SH3RF3: variants seen among roughly 807,000 people sequenced by gnomAD.
SH3RF3 encodes SH3 domain containing ring finger 3.
A neutral mutation model predicts 66.3 loss-of-function variants in SH3RF3; 29 were observed. That is an observed-to-expected ratio of 0.44 (90% CI 0.33 to 0.60). The LOEUF (loss-of-function observed/expected upper bound fraction) is 0.60. Ranked by LOEUF, SH3RF3 falls within the 20% of genes least tolerant of loss-of-function variation. SH3RF3 has a pLI of 0.04. For missense variants in SH3RF3, 1,194 were observed against 1,190.9 expected (o/e 1.00, Z -0.04); for synonymous variants, 583 against 532.0 (o/e 1.10, Z -1.32).
chr2:109,138,000 T>TA (rs1676852720), intron 1 of SH3RF3, among the ~76,000 whole-genome samples: 1 of 152,180 alleles, frequency 6.6e-6, no homozygotes, highest in South Asian at 2.1e-4. Flanking sequence ...GGCAGACACA[T>TA]ACATTTATTT....
In SH3RF3 at chr2:109,466,943, GTC is replaced by G. The variant is rs941486324; in HGVS notation, c.2148+17456_2148+17457del. Among the ~76,000 whole-genome samples, 35 of 151,436 alleles carry G rather than the reference GTC, an allele frequency of 2.3e-4. No individual in the cohort carries two copies. The South Asian group carries it at 7.1e-3, about 31-fold the overall frequency. ...TGTGTATGTATGCATGTATGTGTGT[GTC>G]TATATATCTGTGTGCATGTGTGTGT... is the stretch of plus-strand genomic sequence containing the variant. On this transcript the variant is annotated intron_variant, in intron 8 of 9. Transcript: ENST00000309415.
chr2:109,245,468 T>G (rs1383233872), intron 1 of SH3RF3, among the ~76,000 whole-genome samples: 3 of 152,364 alleles, frequency 2.0e-5, no homozygotes, highest in African/African-American at 7.2e-5. Context: ...ACATTAGTGC[T>G]TCCTATGTGA....
At chr2:109,268,303 G>A (rs973810761) in intron 1 of SH3RF3, among the ~76,000 whole-genome samples, 1 of 151,682 alleles carries the variant, frequency 6.6e-6, no homozygotes, top group Admixed American at 6.6e-5. Flanking sequence ...TGGGATTGGG[G>A]GACAGTCTGG....
chr2:109,428,479 A>G (rs527660221), intron 5 of SH3RF3, among the ~76,000 whole-genome samples: 83 of 152,290 alleles, frequency 5.5e-4, no homozygotes, highest in African/African-American at 1.8e-3. Flanking sequence ...CCGCCAGCCT[A>G]TCTTGTCTGT....
At chr2:109,149,268 C>T (rs529967178) in intron 1 of SH3RF3, among the ~76,000 whole-genome samples, 3 of 152,292 alleles carry the variant, frequency 2.0e-5, no homozygotes, top group Middle Eastern at 3.4e-3. Flanking sequence ...TATGGCCCCC[C>T]GGGACCCGTT....
intron 1 of SH3RF3, among the ~76,000 whole-genome samples, chr2:109,201,815 T>C (rs1678682356): frequency 6.6e-6 from 1 of 152,192 alleles, no homozygotes; most frequent in South Asian, 2.1e-4. Flanking sequence ...AGCTGATCTC[T>C]TGGGTTATTT....
intron 1 of SH3RF3, among the ~76,000 whole-genome samples, chr2:109,262,082 TGAGCAA>T (rs1286136769): frequency 1.3e-5 from 2 of 152,180 alleles, no homozygotes; most frequent in Non-Finnish European, 2.9e-5. Flanking sequence ...CCAGCAAGCA[TGAGCAA>T]GCCCACAGGT....
At chr2:109,391,777 G>A (rs947099371) in intron 3 of SH3RF3, among the ~76,000 whole-genome samples, 9 of 152,166 alleles carry the variant, frequency 5.9e-5, no homozygotes. Flanking sequence ...GCTGGCATCT[G>A]TCCCATATGA....
chr2:109,230,114 G>A (rs560145944), intron 1 of SH3RF3, among the ~76,000 whole-genome samples: 179 of 152,008 alleles, frequency 1.2e-3, no homozygotes, highest in African/African-American at 4.0e-3. Flanking sequence ...GCGAGCCACC[G>A]CACCTGGCCG....
chr2:109,354,790 C>T (rs1421078930), intron 2 of SH3RF3, among the ~76,000 whole-genome samples: 1 of 152,216 alleles, frequency 6.6e-6, no homozygotes, highest in Non-Finnish European at 1.5e-5. Context: ...TTTCCTTCTC[C>T]CCAGGTGGAA....
At chr2:109,487,805 G>C (rs1679022505) in intron 8 of SH3RF3, among the ~76,000 whole-genome samples, 1 of 152,146 alleles carries the variant, frequency 6.6e-6, no homozygotes, top group Non-Finnish European at 1.5e-5. Flanking sequence ...GGGCCCAAGA[G>C]CCCTCAGCTG....
chr2:109,154,618 C>G (rs570359721), intron 1 of SH3RF3, among the ~76,000 whole-genome samples: 3 of 152,224 alleles, frequency 2.0e-5, no homozygotes, highest in Non-Finnish European at 4.4e-5. Context: ...CTGTCTTTCT[C>G]TTTGTCCTGG....
At chr2:109,142,045 G>A (rs190487081) in intron 1 of SH3RF3, among the ~76,000 whole-genome samples, 1 of 147,664 alleles carries the variant, frequency 6.8e-6, no homozygotes, top group Non-Finnish European at 1.5e-5. Context: ...GAGTCTCCTG[G>A]GGGGGGGGTC....
intron 1 of SH3RF3, among the ~76,000 whole-genome samples, chr2:109,225,255 A>G (rs1679346583): frequency 6.6e-6 from 1 of 151,886 alleles, no homozygotes; most frequent in Non-Finnish European, 1.5e-5. Flanking sequence ...ATAATAATAA[A>G]GAAGGCTTAT....
At chr2:109,381,910 C>T (rs767938176) in intron 3 of SH3RF3, among the ~76,000 whole-genome samples, 1 of 151,958 alleles carries the variant, frequency 6.6e-6, no homozygotes, top group Non-Finnish European at 1.5e-5. Context: ...CAAACATGTA[C>T]GTAACACACA....
intron 2 of SH3RF3, 123 bp downstream of exon 2, chr2:109,348,072 C>A: frequency 7.4e-7 from 1 of 1,345,574 alleles, no homozygotes; most frequent in Non-Finnish European, 9.9e-7. Flanking sequence ...TGGCTCCTCC[C>A]GGAACCCTGG....
At position 109,398,845 on chromosome 2, in the gene SH3RF3, A is replaced by G. The variant is rs767279921; in HGVS notation, c.1201A>G (p.Met401Val). Residue 401 changes from methionine (M) to valine (V), a missense_variant, in exon 4 of 10, where the codon ATG becomes GTG. Coordinates refer to ENST00000309415, the MANE Select transcript of SH3RF3 (RefSeq NM_001099289.3). ...SSQAASHRHS[M>V]EISAPVLISS... ...CCAGGCTGCCAGCCACAGGCATTCCATGGAAATTAGTGCTCCAGTGTTGAT... is the reference window on the plus strand; with the variant it reads ...CCAGGCTGCCAGCCACAGGCATTCCGTGGAAATTAGTGCTCCAGTGTTGAT... 3.7e-6 allele frequency: 6 copies of G among 1,613,892 alleles called. No homozygotes were observed. Among genetic ancestry groups the G allele is most frequent in the East Asian group, 4.5e-5 (2 of 44,874 alleles).
chr2:109,199,848 G>A (rs377694037), intron 1 of SH3RF3, among the ~76,000 whole-genome samples: 262 of 44,104 alleles, frequency 5.9e-3, no homozygotes, highest in African/African-American at 0.015. Context: ...GGAATGGAAT[G>A]GAAATAACAA....
At chr2:109,479,123 C>A (rs1364903155) in intron 8 of SH3RF3, among the ~76,000 whole-genome samples, 2 of 152,190 alleles carry the variant, frequency 1.3e-5, no homozygotes, top group Non-Finnish European at 2.9e-5. Context: ...ACGTGGACAG[C>A]ATGAGCTTCC....
Sources: gnomAD v4.1 joint callset for allele counts (sites outside exome capture counted in the v4.1 genomes callset) on GRCh38, gnomAD v4.1.1 for gene constraint, MANE v1.5 for transcripts, NCBI Gene and HGNC (gene_info 2026-07-23, HGNC 2026-07-21) for gene names.